Variants in TPP1 observed in about 807,000 individuals in gnomAD.
TPP1 encodes tripeptidyl-peptidase 1.
Under a neutral mutation model 67.6 loss-of-function variants are expected in TPP1, and 43 were observed. That is an observed-to-expected ratio of 0.64 (90% CI 0.50 to 0.82). The LOEUF (loss-of-function observed/expected upper bound fraction) is 0.82. Ranked by LOEUF, TPP1 falls within the 40% of genes least tolerant of loss-of-function variation. The pLI is 0.00. For missense variants in TPP1, 671 were observed against 710.9 expected, an observed-to-expected ratio of 0.94 and a Z score of 0.64; for synonymous variants, 272 against 281.5, an observed-to-expected ratio of 0.97 and a Z score of 0.34.
Position 6,619,273 on chromosome 11 carries a change from G to A in TPP1, c.18-6C>T, listed in dbSNP as rs1416058431. 8 of 1,614,182 alleles carry A rather than the reference G, an allele frequency of 5.0e-6. No homozygotes were observed. Among genetic ancestry groups the A allele is most frequent in the South Asian group, 1.1e-5 (1 of 91,086 alleles). On this transcript the variant is annotated splice_polypyrimidine_tract_variant and splice_region_variant and intron_variant, in intron 1 of 12. Transcript: ENST00000299427. Reference sequence around the variant, plus strand: ...GGGCAAAGAGCCCTAGGAGGCTGTAGGGGCAGCAGGTGGGTTTCAGTGGGA... The same window carrying A: ...GGGCAAAGAGCCCTAGGAGGCTGTAAGGGCAGCAGGTGGGTTTCAGTGGGA...
Position 6,614,567 on chromosome 11 carries a change from C to T in TPP1, c.1671G>A (p.Leu557=), listed in dbSNP as rs777267276. 6 of 1,614,092 alleles carry T rather than the reference C, an allele frequency of 3.7e-6. No individual in the cohort carries two copies. In the African/African-American group the frequency reaches 4.0e-5, roughly 11 times the overall value. Residue 557 remains leucine (L), a synonymous_variant, in exon 13 of 13, where the codon CTG becomes CTA. Coordinates refer to ENST00000299427, the MANE Select transcript of TPP1 (RefSeq NM_000391.4). ...GWGTPNFPAL[L]KTLLNP Reference sequence around the variant, plus strand: ...AGGGTCAGGGGTTGAGTAGAGTCTTCAGCAAAGCTGGGAAGTTGGGTGTTC... The same window carrying T: ...AGGGTCAGGGGTTGAGTAGAGTCTTTAGCAAAGCTGGGAAGTTGGGTGTTC...
chr11:6,618,057 T>A, intron 3 of TPP1: 1 of 490,448 alleles, frequency 2.0e-6, no homozygotes. Flanking sequence ...ATGAGGTTAA[T>A]ACATATAAAT....
At chr11:6,615,680 T>C (rs535820156) in intron 9 of TPP1, 118 bp from the exon 10 acceptor site, 8 of 1,333,034 alleles carry the variant, frequency 6.0e-6, no homozygotes, top group African/African-American at 2.9e-5. Flanking sequence ...TGGGGAAGCA[T>C]GTATATGGGA....
Position 6,615,247 on chromosome 11 carries a change from G to A in TPP1, c.1349C>T (p.Pro450Leu). Residue 450 changes from proline to leucine, a missense_variant, in exon 11 of 13, where the codon CCA becomes CTA. Coordinates refer to ENST00000299427, the MANE Select transcript of TPP1 (RefSeq NM_000391.4). ...GCCATCAGAAAGTGCAGCCACATCT[G>A]GGTAGGCACGGCCACTGGCATTGAA... ...SYFNASGRAY[P>L]DVAALSDGYW... 6.2e-7 allele frequency: 1 copy of A among 1,614,202 alleles called. No individual in the cohort carries two copies. Among genetic ancestry groups the A allele is most frequent in the Admixed American group, 1.7e-5 (1 of 60,030 alleles).
At position 6,614,208 on chromosome 11, in the gene TPP1, T is replaced by G; in HGVS notation, c.*338A>C. 2.8e-6 allele frequency: 1 copy of G among 362,460 alleles called. No individual in the cohort carries two copies. Among genetic ancestry groups the G allele is most frequent in the South Asian group, 2.8e-5 (1 of 36,064 alleles). 22.5% of individuals were successfully genotyped at this position (362,460 alleles called of 1,614,324 possible). A position where few individuals can be genotyped will look rare whatever the true frequency, so the allele number is the denominator to read the frequency against. ...GGTCTCCTTGCAGTGAATTGGGGAA[T>G]GAATATCAAGTGAAATAGTGCACAG... is the stretch of plus-strand genomic sequence containing the variant. On this transcript the variant is annotated 3_prime_UTR_variant, in exon 13 of 13. Transcript: ENST00000299427.
chr11:6,614,633 A>G lies in TPP1; in HGVS notation c.1605T>C (p.Gly535=), dbSNP rs555048430. The G allele has an allele frequency of 6.2e-7, 1 of 1,613,924 alleles. No homozygotes were observed. Among genetic ancestry groups the G allele is most frequent in the South Asian group, 1.1e-5 (1 of 91,058 alleles). Residue 535 remains glycine (G), a synonymous_variant, in exon 13 of 13, where the codon GGT becomes GGC. Transcript: ENST00000299427. ...GATCCCAGCCAGGACCAGAGCAGAAACCCTGGCCCTCTACCTCTTCATCCA... is the reference window on the plus strand; with the variant it reads ...GATCCCAGCCAGGACCAGAGCAGAAGCCCTGGCCCTCTACCTCTTCATCCA... The part of the protein sequence containing the change: ...SCLDEEVEGQ[G]FCSGPGWDPV...
At position 6,616,423 on chromosome 11, in the gene TPP1, C is replaced by A; in HGVS notation, c.967G>T (p.Val323Leu). 1 of 1,613,736 alleles carries A rather than the reference C, an allele frequency of 6.2e-7. No individual in the cohort carries two copies. The highest frequency in any genetic ancestry group is 8.5e-7 in the Non-Finnish European group (1 of 1,180,002). Residue 323 changes from valine to leucine, a missense_variant, in exon 8 of 13, where the codon GTG (valine) becomes TTG (leucine). Physicochemically the swap from Val to Leu is conservative, Grantham distance 32. Transcript: ENST00000299427. ...GAGTCCTCATCATCTCCATAGCTCA[C>A]AGTATGCACATGTGGCAGGGCTGAC... is the stretch of plus-strand genomic sequence containing the variant. ...NESALPHVHT[V>L]SYGDDEDSLS...
Position 6,614,405 on chromosome 11 carries a change from C to T in TPP1, c.*141G>A. 1 of 1,195,488 alleles carries T rather than the reference C, an allele frequency of 8.4e-7. No homozygotes were observed. The highest frequency in any genetic ancestry group is 1.4e-5 in the South Asian group (1 of 71,556). 74.1% of individuals were successfully genotyped at this position (1,195,488 alleles called of 1,614,324 possible). On this transcript the variant is annotated 3_prime_UTR_variant, in exon 13 of 13. Transcript: ENST00000299427. ...AGGGTTGGGAGTCAAGTCAAGCTCA[C>T]AGCATTTCAGGGTTAGGGAGATAAG... is the stretch of plus-strand genomic sequence containing the variant.
intron 9 of TPP1, 148 bp from the exon 10 acceptor site, chr11:6,615,710 C>T: frequency 9.2e-7 from 1 of 1,088,340 alleles, no homozygotes; most frequent in South Asian, 1.4e-5. Flanking sequence ...AGATTTTGAG[C>T]CTTCAAGGCA....
At position 6,617,779 on chromosome 11, in the gene TPP1, G is replaced by A; in HGVS notation, c.230-3C>T. On this transcript the variant is annotated splice_polypyrimidine_tract_variant and splice_region_variant and intron_variant, in intron 3 of 12. Transcript: ENST00000299427. Reference sequence around the variant, plus strand: ...ATTCTCTAGGGTCAGGTATTTTCCTGCAGGGATTCAGAAGAGGCACTTGCC... The same window carrying A: ...ATTCTCTAGGGTCAGGTATTTTCCTACAGGGATTCAGAAGAGGCACTTGCC... The A allele has an allele frequency of 3.1e-6, 5 of 1,614,190 alleles. No individual in the cohort carries two copies. Among genetic ancestry groups the A allele is most frequent in the Non-Finnish European group, 4.2e-6 (5 of 1,180,036 alleles).
Position 6,613,943 on chromosome 11 carries a change from G to A in TPP1, c.*603C>T, listed in dbSNP as rs1855535930. 6.3e-6 allele frequency: 1 copy of A among 157,484 alleles called. No homozygotes were observed. The highest frequency in any genetic ancestry group is 1.8e-4 in the South Asian group (1 of 5,414). 9.8% of individuals were successfully genotyped at this position (157,484 alleles called of 1,614,324 possible). ...AGTGATTTGTTCCAGGGGACAATGA[G>A]TAAACTGAGAAGAGCAAAAATCTAC... On this transcript the variant is annotated 3_prime_UTR_variant, in exon 13 of 13. Coordinates refer to ENST00000299427, the MANE Select transcript of TPP1 (RefSeq NM_000391.4).
rs1351326788 is a variant in TPP1, at chr11:6,616,752, G to A, written c.795C>T (p.Gly265=). The change falls in exon 7 of 13, where the codon GGC becomes GGT. Residue 265 remains glycine, a synonymous_variant. Transcript: ENST00000299427. ...ASVARVVGQQ[G]RGRAGIEASL... is the part of the protein sequence containing the mutation. ...TGGCCTCAATCCCGGCCCGGCCCCG[G>A]CCCTGTTGTCCAACCACACGGGCTA... The A allele has an allele frequency of 1.2e-6, 2 of 1,613,906 alleles. No homozygotes were observed. The highest frequency in any genetic ancestry group is 1.7e-6 in the Non-Finnish European group (2 of 1,180,026).
chr11:6,616,237 G>C, intron 8 of TPP1, 78 bp downstream of exon 8: 1 of 1,602,768 alleles, frequency 6.2e-7, no homozygotes. Context: ...CAGAGACCAG[G>C]CTCAGGGATC....
chr11:6,617,535 C>T, intron 4 of TPP1, 91 bp downstream of exon 4: 1 of 1,612,882 alleles, frequency 6.2e-7, no homozygotes, highest in Non-Finnish European at 8.5e-7. Context: ...TTAGCTCCCA[C>T]CCACAAGCCC....
Position 6,614,443 on chromosome 11 carries a change from G to A in TPP1, c.*103C>T. On this transcript the variant is annotated 3_prime_UTR_variant, in exon 13 of 13. Coordinates refer to ENST00000299427, the MANE Select transcript of TPP1 (RefSeq NM_000391.4). ...TTAGGGAGATAAGCTGTCTGCAGCA[G>A]TCAATAGTTGAGGGTTCAGCAGGGC... 6.6e-7 allele frequency: 1 copy of A among 1,514,958 alleles called. No individual in the cohort carries two copies. Among genetic ancestry groups the A allele is most frequent in the Non-Finnish European group, 9.1e-7 (1 of 1,096,468 alleles). The allele number at this position is 1,514,958 out of a possible 1,614,324, so 93.8% of individuals were successfully genotyped here.
rs566120191 is a variant in TPP1, at chr11:6,614,557, G to T, written c.1681C>A (p.Leu561Ile). The T allele has an allele frequency of 7.4e-6, 12 of 1,614,174 alleles. No individual in the cohort carries two copies. In the South Asian group the frequency reaches 1.3e-4, roughly 18 times the overall value. Reference sequence around the variant, plus strand: ...CTGATAGGAAAGGGTCAGGGGTTGAGTAGAGTCTTCAGCAAAGCTGGGAAG... The same window carrying T: ...CTGATAGGAAAGGGTCAGGGGTTGATTAGAGTCTTCAGCAAAGCTGGGAAG... ...PNFPALLKTL[L>I]NP Residue 561 changes from leucine (L) to isoleucine (I), a missense_variant, in exon 13 of 13, where the codon CTC becomes ATC. Leu to Ile is a conservative substitution (Grantham distance 5, BLOSUM62 2). Transcript: ENST00000299427.
In TPP1 at chr11:6,614,965, G is replaced by C; in HGVS notation, c.1452C>G (p.Ile484Met). The change falls in exon 12 of 13, where the codon ATC becomes ATG. Residue 484 changes from isoleucine to methionine, a missense_variant. Coordinates refer to ENST00000299427, the MANE Select transcript of TPP1 (RefSeq NM_000391.4). ...TCCTGTGCTCATTGATCAAGGATAG[G>C]ATCCCCCCAAACACTGGAGTAGAGG... ...TSASTPVFGGILSLINEHRIL... is the reference protein window; with the variant it reads ...TSASTPVFGGMLSLINEHRIL... The C allele has an allele frequency of 6.2e-7, 1 of 1,614,160 alleles. No individual in the cohort carries two copies. Among genetic ancestry groups the C allele is most frequent in the South Asian group, 1.1e-5 (1 of 91,082 alleles).
In TPP1 at chr11:6,617,284, C is replaced by A; in HGVS notation, c.508+17G>T. The A allele has an allele frequency of 6.2e-7, 1 of 1,614,068 alleles. No individual in the cohort carries two copies. Among genetic ancestry groups the A allele is most frequent in the Non-Finnish European group, 8.5e-7 (1 of 1,179,998 alleles). On this transcript the variant is annotated intron_variant, in intron 5 of 12. Coordinates refer to ENST00000299427, the MANE Select transcript of TPP1 (RefSeq NM_000391.4). ...GGATCTGTGTGCCCCAACCCCCATTCACCCCATAGGTGTTACCAAAGTCCA... is the reference window on the plus strand; with the variant it reads ...GGATCTGTGTGCCCCAACCCCCATTAACCCCATAGGTGTTACCAAAGTCCA...
chr11:6,617,147 C>T lies in TPP1; in HGVS notation c.515G>A (p.Gly172Glu). 6.2e-7 allele frequency: 1 copy of T among 1,614,048 alleles called. No homozygotes were observed. Among genetic ancestry groups the T allele is most frequent in the Non-Finnish European group, 8.5e-7 (1 of 1,179,978 alleles). ...ALAPHVDFVG[G>E]LHRFPPTSSL... is the part of the protein sequence containing the mutation. ...TGATGTTGGGGGAAAACGGTGCAGT[C>T]CCCCCACTGTAGGGAGAAGTCAGGC... Residue 172 changes from glycine (G) to glutamate (E), a missense_variant, in exon 6 of 13, where the codon GGA (glycine) becomes GAA (glutamate). Coordinates refer to ENST00000299427, the MANE Select transcript of TPP1 (RefSeq NM_000391.4).
Sources: gnomAD v4.1 joint callset for allele counts on GRCh38, gnomAD v4.1.1 for gene constraint, MANE v1.5 for transcripts, NCBI Gene and HGNC (gene_info 2026-07-23, HGNC 2026-07-21) for gene names.